The following SLC2A9 variants were observed in gnomAD, a reference collection of about 807,000 sequenced individuals.
SLC2A9 encodes solute carrier family 2 member 9.
A neutral mutation model predicts 50.6 loss-of-function variants in SLC2A9; 39 were observed. That is an observed-to-expected ratio of 0.77 (90% CI 0.60 to 1.01). The LOEUF (loss-of-function observed/expected upper bound fraction) is 1.01. Ranked by LOEUF, SLC2A9 falls within the 50% of genes least tolerant of loss-of-function variation. The pLI is 0.00. For missense variants in SLC2A9, 686 were observed against 677.6 expected (o/e 1.01, Z -0.14); for synonymous variants, 324 against 276.9 (o/e 1.17, Z -1.69).
At chr4:9,845,771 C>T (rs1189035209) in intron 10 of SLC2A9, among the ~76,000 whole-genome samples, 2 of 152,138 alleles carry the variant, frequency 1.3e-5, no homozygotes, top group African/African-American at 4.8e-5. Flanking sequence ...GCCTATAAAC[C>T]CCCTTAGAAA....
rs1432915400 is a variant in SLC2A9 at position 9,908,265 on chromosome 4, C to A, written c.1083G>T (p.Gly361=). 2 of 1,614,022 alleles carry A rather than the reference C, an allele frequency of 1.2e-6. No individual in the cohort carries two copies. Among genetic ancestry groups the A allele is most frequent in the East Asian group, 2.2e-5 (1 of 44,880 alleles). Reference sequence around the variant, plus strand: ...AGACGGCAGCCAAAGTCTCGATGCCCCCTGTACTCAAGGTGACGTATGGGA... The same window carrying A: ...AGACGGCAGCCAAAGTCTCGATGCCACCTGTACTCAAGGTGACGTATGGGA... ...AKIPYVTLST[G]GIETLAAVFS... Residue 361 remains glycine (G), a synonymous_variant, in exon 8 of 12, where the codon GGG becomes GGT. Coordinates refer to ENST00000264784, the MANE Select transcript of SLC2A9 (RefSeq NM_020041.3).
At chr4:9,799,562 T>C (rs1008629772) in intron 3 of SLC2A9, among the ~76,000 whole-genome samples, 2 of 152,042 alleles carry the variant, frequency 1.3e-5, no homozygotes, top group African/African-American at 4.8e-5. Context: ...AATCTCCACA[T>C]ATGAAATTTG....
intron 10 of SLC2A9, among the ~76,000 whole-genome samples, chr4:9,854,035 C>G (rs1730363204): frequency 6.6e-6 from 1 of 151,858 alleles, no homozygotes; most frequent in African/African-American, 2.4e-5. Context: ...ATGCCCACAT[C>G]AAAAAGTTAG....
intron 8 of SLC2A9, among the ~76,000 whole-genome samples, chr4:9,895,054 C>T (rs574239112): frequency 1.3e-5 from 2 of 152,314 alleles, no homozygotes; most frequent in East Asian, 3.9e-4. Flanking sequence ...AAGTGCACCA[C>T]CCACAATTTC....
At chr4:9,933,206 G>A (rs953981448) in intron 6 of SLC2A9, among the ~76,000 whole-genome samples, 7 of 152,242 alleles carry the variant, frequency 4.6e-5, no homozygotes, top group African/African-American at 9.6e-5. Flanking sequence ...GTGACTGGAG[G>A]AGAGTAGCTG....
Position 9,918,359 on chromosome 4 carries a change from C to A in SLC2A9, c.1002+2026G>T, listed in dbSNP as rs375240987. Among the ~76,000 whole-genome samples, 14 of 152,276 alleles carry A rather than the reference C, an allele frequency of 9.2e-5. No individual in the cohort carries two copies. The East Asian group carries it at 2.7e-3, about 30-fold the overall frequency. ...GCAGCAGGTACAGGGGAGAGCTGGA[C>A]CACAGTGTGGCTGTGATGCTGGCAT... On this transcript the variant is annotated intron_variant, in intron 7 of 11. Transcript: ENST00000264784.
intron 7 of SLC2A9, among the ~76,000 whole-genome samples, chr4:9,910,760 C>T (rs1433640100): frequency 6.6e-6 from 1 of 152,186 alleles, no homozygotes; most frequent in African/African-American, 2.4e-5. Flanking sequence ...CATAGAGACA[C>T]TGCTATAGAT....
downstream of SLC2A9, among the ~76,000 whole-genome samples, chr4:9,779,427 T>C (rs1347809978): frequency 6.6e-6 from 1 of 151,356 alleles, no homozygotes; most frequent in African/African-American, 2.4e-5. Flanking sequence ...TTTTTTTTTT[T>C]TTTTTGAGAC....
chr4:9,856,635 T>C (rs537681325), intron 10 of SLC2A9, among the ~76,000 whole-genome samples: 1 of 152,310 alleles, frequency 6.6e-6, no homozygotes, highest in Admixed American at 6.5e-5. Flanking sequence ...GGAATATAAA[T>C]TGTTCTACCA....
At chr4:9,818,977 C>A (rs1432000422) in intron 3 of SLC2A9, among the ~76,000 whole-genome samples, 3 of 151,906 alleles carry the variant, frequency 2.0e-5, no homozygotes, top group African/African-American at 4.8e-5. Flanking sequence ...AAAAAATGAG[C>A]CAGGTGTGGT....
intron 5 of SLC2A9, among the ~76,000 whole-genome samples, chr4:9,953,108 T>C (rs1213544222): frequency 6.6e-6 from 1 of 152,250 alleles, no homozygotes; most frequent in Non-Finnish European, 1.5e-5. Context: ...ATTCTTCAGA[T>C]CCTAAAAGTC....
At chr4:9,894,195 C>A (rs1415570333) in intron 8 of SLC2A9, among the ~76,000 whole-genome samples, 3 of 152,074 alleles carry the variant, frequency 2.0e-5, no homozygotes, top group Non-Finnish European at 2.9e-5. Context: ...AGAAATCCAC[C>A]AACAATTAGT....
chr4:9,776,428 C>A (rs186932878), downstream of SLC2A9, among the ~76,000 whole-genome samples: 3 of 151,986 alleles, frequency 2.0e-5, no homozygotes, highest in Non-Finnish European at 2.9e-5. Flanking sequence ...CCTGCCACTG[C>A]CCTGAGCCTC....
intron 3 of SLC2A9, among the ~76,000 whole-genome samples, chr4:9,787,778 A>T (rs1404936941): frequency 6.6e-6 from 1 of 151,978 alleles, no homozygotes; most frequent in Non-Finnish European, 1.5e-5. Context: ...CTTTTCCATG[A>T]TTGGATTCTG....
At chr4:10,021,252 G>A in intron 1 of SLC2A9, 28 bp downstream of exon 1, 1 of 1,610,446 alleles carries the variant, frequency 6.2e-7, no homozygotes, top group African/African-American at 1.3e-5. Context: ...CAGCCCGCCA[G>A]CCATGCAGAA....
chr4:10,011,678 G>T (rs1761785088), intron 2 of SLC2A9, among the ~76,000 whole-genome samples: 1 of 152,164 alleles, frequency 6.6e-6, no homozygotes, highest in Non-Finnish European at 1.5e-5. Flanking sequence ...AGACAGACAG[G>T]TAAGTAAGTA....
chr4:9,816,436 C>A (rs1248351215), intron 3 of SLC2A9, among the ~76,000 whole-genome samples: 1 of 152,120 alleles, frequency 6.6e-6, no homozygotes, highest in Non-Finnish European at 1.5e-5. Flanking sequence ...AGTTATGCAG[C>A]ATGAATAAGT....
chr4:9,963,289 G>C (rs28558552), intron 5 of SLC2A9, among the ~76,000 whole-genome samples: 7 of 151,990 alleles, frequency 4.6e-5, no homozygotes, highest in African/African-American at 1.7e-4. Flanking sequence ...CCCTTGACAC[G>C]TGGGGATTAT....
chr4:10,019,792 G>C (rs963295004), intron 1 of SLC2A9, among the ~76,000 whole-genome samples: 1 of 152,282 alleles, frequency 6.6e-6, no homozygotes, highest in Non-Finnish European at 1.5e-5. Context: ...AGAGATGCAA[G>C]GTTTGGCACA....
Sources: gnomAD v4.1 joint callset for allele counts (sites outside exome capture counted in the v4.1 genomes callset) on GRCh38, gnomAD v4.1.1 for gene constraint, MANE v1.5 for transcripts, NCBI Gene and HGNC (gene_info 2026-07-23, HGNC 2026-07-21) for gene names.